DPP6: variants seen among roughly 807,000 people sequenced by gnomAD.
DPP6 encodes dipeptidyl peptidase like 6, also known as A-type potassium channel modulatory protein DPP6.
Under a neutral mutation model 122.6 loss-of-function variants are expected in DPP6, and 69 were observed. The observed-to-expected ratio is 0.56, with a 90% CI of 0.46 to 0.69. The LOEUF is 0.69. DPP6 is among the 30% of genes least tolerant of loss of function. The probability of loss-of-function intolerance (pLI) is 0.00; values close to 1 mark genes in which losing one functional copy is unlikely to be tolerated. For synonymous variants in DPP6, 418 were observed against 433.1 expected, an observed-to-expected ratio of 0.97 and a Z score of 0.43; for missense variants, 928 against 1,116.9, an observed-to-expected ratio of 0.83 and a Z score of 2.41.
chr7:154,328,302 T>C (rs775528474), intron 1 of DPP6, among the ~76,000 whole-genome samples: 2 of 152,128 alleles, frequency 1.3e-5, no homozygotes, highest in Non-Finnish European at 2.9e-5. Context: ...AGGACAGGCA[T>C]TCCAAGGCTC....
At chr7:154,122,410 A>T (rs1400995633) in intron 1 of DPP6, among the ~76,000 whole-genome samples, 1 of 152,202 alleles carries the variant, frequency 6.6e-6, no homozygotes, top group Non-Finnish European at 1.5e-5. Flanking sequence ...AACCTGTGAT[A>T]TGATCTTGAA....
the DPP6 span, among the ~76,000 whole-genome samples, chr7:153,760,466 T>G: frequency 2.0e-5 from 3 of 152,154 alleles, no homozygotes; most frequent in Admixed American, 2.0e-4. Flanking sequence ...TGCCAGATAT[T>G]GTGAATTTTA....
At chr7:154,836,739 TCTTGTCAC>T (rs1181198794) in intron 16 of DPP6, among the ~76,000 whole-genome samples, 1 of 152,202 alleles carries the variant, frequency 6.6e-6, no homozygotes, top group Non-Finnish European at 1.5e-5. Flanking sequence ...TGAGTTTCGC[TCTTGTCAC>T]CCAGGCTGGA....
intron 1 of DPP6, among the ~76,000 whole-genome samples, chr7:154,119,060 A>G (rs1807223042): frequency 6.6e-6 from 1 of 152,222 alleles, no homozygotes; most frequent in Non-Finnish European, 1.5e-5. Context: ...ACTCTTTACC[A>G]GATGAGATGC....
intron 1 of DPP6, among the ~76,000 whole-genome samples, chr7:153,948,555 T>A (rs1273108786): frequency 6.6e-6 from 1 of 151,922 alleles, no homozygotes; most frequent in East Asian, 1.9e-4. Context: ...GAAATAGGAA[T>A]GTTAATACTG....
At position 154,876,090 on chromosome 7, in the gene DPP6, G is replaced by C; in HGVS notation, c.2068G>C (p.Glu690Gln). The C allele has an allele frequency of 6.3e-7, 1 of 1,594,276 alleles. No individual in the cohort carries two copies. Residue 690 changes from glutamate to glutamine, a missense_variant, in exon 20 of 26, where the codon GAG (glutamate) becomes CAG (glutamine). Transcript: ENST00000377770. Reference protein sequence around the residue: ...LGLLEEKDQMEAVRTMLKEQY... With the variant: ...LGLLEEKDQMQAVRTMLKEQY... The stretch of plus-strand genomic sequence containing the variant: ...CTTGCTGGAGGAGAAGGACCAGATG[G>C]AGGCCGTGCGGTGAGCACCCGCCCA...
chr7:153,842,030 G>A, the DPP6 span, among the ~76,000 whole-genome samples: 1,710 of 152,264 alleles, frequency 0.011, 38 homozygotes, highest in African/African-American at 0.039. Flanking sequence ...AAGAAGAAAC[G>A]ATACTAAGAT....
At chr7:153,918,978 C>CAAA (rs386411718) in intron 1 of DPP6, among the ~76,000 whole-genome samples, 1,840 of 88,980 alleles carry the variant, frequency 0.021, 71 homozygotes, top group East Asian at 0.069. Flanking sequence ...GACTCTGTCT[C>CAAA]AAAAAAAAAA....
chr7:154,510,961 CACACACACACAGAG>C (rs1826037700), intron 3 of DPP6, among the ~76,000 whole-genome samples: 1 of 150,118 alleles, frequency 6.7e-6, no homozygotes, highest in Non-Finnish European at 1.5e-5. Context: ...CACACACACA[CACACACACACAGAG>C]AGAGAGAGAG....
intron 16 of DPP6, among the ~76,000 whole-genome samples, chr7:154,824,437 A>C (rs1391074912): frequency 4.6e-5 from 7 of 152,048 alleles, no homozygotes; most frequent in Non-Finnish European, 1.0e-4. Flanking sequence ...GTGCCACCAC[A>C]CCCAGCTAAT....
At chr7:154,668,211 A>ATGTGTGTGTG (rs1347707589) in intron 6 of DPP6, among the ~76,000 whole-genome samples, 13 of 102,212 alleles carry the variant, frequency 1.3e-4, no homozygotes, top group Admixed American at 2.4e-4. Flanking sequence ...ATATATATAT[A>ATGTGTGTGTG]TATATATAAT....
At chr7:153,869,743 C>G in the DPP6 span, among the ~76,000 whole-genome samples, 2 of 152,136 alleles carry the variant, frequency 1.3e-5, no homozygotes, top group Non-Finnish European at 2.9e-5. Context: ...TTCTTCCTAG[C>G]CTTGATGGTC....
At chr7:154,578,251 T>C (rs971300419) in intron 5 of DPP6, among the ~76,000 whole-genome samples, 13 of 152,222 alleles carry the variant, frequency 8.5e-5, no homozygotes, top group Non-Finnish European at 1.6e-4. Flanking sequence ...TTCCCGCTTC[T>C]CTCTTGGTGT....
intron 20 of DPP6, among the ~76,000 whole-genome samples, chr7:154,879,190 C>T (rs1188498202): frequency 6.6e-6 from 1 of 152,236 alleles, no homozygotes; most frequent in Non-Finnish European, 1.5e-5. Flanking sequence ...CGCCTGTAAT[C>T]CCAGCACTTT....
At chr7:154,146,550 C>T (rs1364758430) in intron 1 of DPP6, among the ~76,000 whole-genome samples, 1 of 152,236 alleles carries the variant, frequency 6.6e-6, no homozygotes, top group African/African-American at 2.4e-5. Context: ...GGCCAACTGC[C>T]CCTTCTCCAG....
intron 1 of DPP6, among the ~76,000 whole-genome samples, chr7:154,075,963 A>C (rs533585144): frequency 2.6e-5 from 4 of 151,990 alleles, no homozygotes; most frequent in African/African-American, 9.6e-5. Flanking sequence ...ATGTATATGC[A>C]TATACCACTT....
chr7:154,837,184 C>G (rs1801125565), intron 16 of DPP6, among the ~76,000 whole-genome samples: 1 of 150,346 alleles, frequency 6.7e-6, no homozygotes, highest in South Asian at 2.1e-4. Context: ...TACACAGATG[C>G]ATGCATGCAT....
chr7:154,326,612 G>A (rs967114544), intron 1 of DPP6, among the ~76,000 whole-genome samples: 2 of 152,182 alleles, frequency 1.3e-5, no homozygotes, highest in African/African-American at 4.8e-5. Context: ...CTGCCAGTCT[G>A]TTGTATTTCT....
intron 1 of DPP6, among the ~76,000 whole-genome samples, chr7:154,390,184 C>T (rs1014194427): frequency 1.3e-5 from 2 of 152,146 alleles, no homozygotes; most frequent in Non-Finnish European, 2.9e-5. Context: ...AGGTAATAAT[C>T]AACAAGGAAA....
Sources: gnomAD v4.1 joint callset for allele counts (sites outside exome capture counted in the v4.1 genomes callset) on GRCh38, gnomAD v4.1.1 for gene constraint, MANE v1.5 for transcripts, NCBI Gene and HGNC (gene_info 2026-07-23, HGNC 2026-07-21) for gene names.